FHOD3: variants seen among roughly 807,000 people sequenced by gnomAD.
The protein encoded by FHOD3 is formin homology 2 domain containing 3.
Under a neutral mutation model 173.0 loss-of-function variants are expected in FHOD3, and 90 were observed. The ratio of observed to expected loss-of-function variants is 0.52; its 90% CI spans 0.44 to 0.62. The LOEUF (loss-of-function observed/expected upper bound fraction) is 0.62. FHOD3 is among the 20% of genes least tolerant of loss of function. The pLI is 0.00. For synonymous variants in FHOD3, 828 were observed against 823.0 expected (o/e 1.01, Z -0.10); for missense variants, 1,945 against 2,034.7 (o/e 0.96, Z 0.85).
At chr18:36,343,103 G>A (rs963636110) in intron 1 of FHOD3, among the ~76,000 whole-genome samples, 2 of 152,148 alleles carry the variant, frequency 1.3e-5, no homozygotes, top group African/African-American at 4.8e-5. Flanking sequence ...TTTGGAAGAC[G>A]GTCTGACATT....
At chr18:36,306,607 G>A (rs2092105757) in intron 1 of FHOD3, among the ~76,000 whole-genome samples, 1 of 152,174 alleles carries the variant, frequency 6.6e-6, no homozygotes, top group South Asian at 2.1e-4. Flanking sequence ...ACCTCCCTTA[G>A]CCCTCTTGCC....
At chr18:36,344,836 A>G (rs1308031748) in intron 1 of FHOD3, among the ~76,000 whole-genome samples, 1 of 152,210 alleles carries the variant, frequency 6.6e-6, no homozygotes, top group Non-Finnish European at 1.5e-5. Context: ...GTAAAGGACT[A>G]AAAGAAGACT....
chr18:36,714,262 C>T (rs116640879), intron 18 of FHOD3, among the ~76,000 whole-genome samples: 2,375 of 152,200 alleles, frequency 0.016, 30 homozygotes, highest in African/African-American at 0.035. Context: ...ATTGCCTGGG[C>T]GTGGTGGCTC....
intron 7 of FHOD3, among the ~76,000 whole-genome samples, chr18:36,598,561 T>TG (rs1473497926): frequency 1.3e-5 from 2 of 152,138 alleles, no homozygotes; most frequent in African/African-American, 4.8e-5. Flanking sequence ...TTTTAAATTT[T>TG]TTTTTTTTTT....
intron 5 of FHOD3, among the ~76,000 whole-genome samples, chr18:36,573,520 C>T (rs539664158): frequency 1.1e-4 from 17 of 151,784 alleles, no homozygotes; most frequent in Non-Finnish European, 2.1e-4. Context: ...ATGGGAGGAT[C>T]ATTTGAGCCT....
Position 36,681,431 on chromosome 18 carries a change from TC to T in FHOD3, c.1836-3del, listed in dbSNP as rs2038229286. 1 of 1,613,706 alleles carries T rather than the reference TC, an allele frequency of 6.2e-7. No individual in the cohort carries two copies. Among genetic ancestry groups the T allele is most frequent in the Non-Finnish European group, 8.5e-7 (1 of 1,179,776 alleles). On this transcript the variant is annotated splice_region_variant and splice_polypyrimidine_tract_variant and intron_variant, in intron 14 of 28. Coordinates refer to ENST00000590592, the MANE Select transcript of FHOD3 (RefSeq NM_001281740.3). ...AACTGAAACATTAACTCATTGTATC[TC>T]CAGGTCATCACCGAGTGGTCTTCTC...
chr18:36,513,206 A>G (rs1004718184), intron 5 of FHOD3, among the ~76,000 whole-genome samples: 1 of 152,190 alleles, frequency 6.6e-6, no homozygotes, highest in East Asian at 1.9e-4. Flanking sequence ...CAAATAACAA[A>G]CCTGTGCATA....
rs576174156 is a variant in FHOD3 at position 36,667,302 on chromosome 18, C to G, written c.1835+9114C>G. ...TATACAAAAATAATAAGGGACTATT[C>G]TGAACAATTATATTCCAATAACTTT... is the stretch of plus-strand genomic sequence containing the variant. On this transcript the variant is annotated intron_variant, in intron 14 of 28. Transcript: ENST00000590592. 2.0e-5 allele frequency among the ~76,000 whole-genome samples: 3 copies of G among 152,216 alleles called. No homozygotes were observed. In the East Asian group the frequency reaches 5.8e-4, roughly 29 times the overall value.
intron 6 of FHOD3, among the ~76,000 whole-genome samples, chr18:36,587,581 C>T (rs1338784735): frequency 6.6e-6 from 1 of 152,074 alleles, no homozygotes; most frequent in Non-Finnish European, 1.5e-5. Flanking sequence ...CATCTGAGGT[C>T]GGGAGTTTGA....
intron 10 of FHOD3, among the ~76,000 whole-genome samples, chr18:36,645,237 A>G (rs1398161172): frequency 6.6e-6 from 1 of 152,056 alleles, no homozygotes; most frequent in Non-Finnish European, 1.5e-5. Flanking sequence ...CCTGGCAAAC[A>G]TGGTAAAAAC....
chr18:36,353,810 G>C (rs1346254637), intron 1 of FHOD3, among the ~76,000 whole-genome samples: 1 of 152,174 alleles, frequency 6.6e-6, no homozygotes, highest in Non-Finnish European at 1.5e-5. Context: ...CTCGTTTCTT[G>C]ATGCTGTCAC....
intron 15 of FHOD3, among the ~76,000 whole-genome samples, chr18:36,682,073 G>A (rs547376144): frequency 3.3e-5 from 5 of 152,188 alleles, no homozygotes; most frequent in East Asian, 1.9e-4. Flanking sequence ...CATTTCCCCC[G>A]ATCTCCTGGT....
At chr18:36,627,346 G>A (rs907918069) in intron 10 of FHOD3, among the ~76,000 whole-genome samples, 2 of 152,146 alleles carry the variant, frequency 1.3e-5, no homozygotes, top group African/African-American at 4.8e-5. Flanking sequence ...CATCATGTTT[G>A]TTCCTTGTCT....
At chr18:36,509,343 C>T (rs1244357849) in intron 4 of FHOD3, among the ~76,000 whole-genome samples, 1 of 147,026 alleles carries the variant, frequency 6.8e-6, no homozygotes, top group African/African-American at 2.6e-5. Context: ...AGGAGAATGG[C>T]GTGAACCCGG....
intron 14 of FHOD3, among the ~76,000 whole-genome samples, chr18:36,676,421 T>C (rs1050451286): frequency 6.6e-6 from 1 of 152,248 alleles, no homozygotes; most frequent in African/African-American, 2.4e-5. Flanking sequence ...ATTTTGTTTA[T>C]TTGTAGGTAT....
chr18:36,396,596 T>C (rs2146581056), intron 3 of FHOD3, among the ~76,000 whole-genome samples: 1 of 152,330 alleles, frequency 6.6e-6, no homozygotes, highest in African/African-American at 2.4e-5. Flanking sequence ...TTTCTGTTTT[T>C]CTAATTCTGA....
chr18:36,604,958 C>G (rs1406463817), intron 8 of FHOD3, among the ~76,000 whole-genome samples: 1 of 152,098 alleles, frequency 6.6e-6, no homozygotes, highest in Non-Finnish European at 1.5e-5. Flanking sequence ...ATGAAAACAA[C>G]AAGACATGTT....
chr18:36,587,520 G>A (rs775187719), intron 6 of FHOD3, among the ~76,000 whole-genome samples: 4 of 152,170 alleles, frequency 2.6e-5, no homozygotes, highest in African/African-American at 4.8e-5. Flanking sequence ...AGCCAGGCGC[G>A]GTGGCTCACG....
At chr18:36,721,235 C>G (rs2040770413) in intron 19 of FHOD3, among the ~76,000 whole-genome samples, 2 of 152,184 alleles carry the variant, frequency 1.3e-5, no homozygotes, top group South Asian at 4.1e-4. Flanking sequence ...CCAGAATGTT[C>G]TATAATGAGA....
Sources: gnomAD v4.1 joint callset for allele counts (sites outside exome capture counted in the v4.1 genomes callset) on GRCh38, gnomAD v4.1.1 for gene constraint, MANE v1.5 for transcripts, NCBI Gene and HGNC (gene_info 2026-07-23, HGNC 2026-07-21) for gene names.